The following MEGF6 variants were observed in gnomAD, a reference collection of about 807,000 sequenced individuals.
MEGF6 encodes multiple epidermal growth factor-like domains protein 6.
MEGF6 carries 184 observed loss-of-function variants against 207.1 expected under a neutral mutation model. The observed-to-expected ratio is 0.89, with a 90% CI of 0.79 to 1.00. The LOEUF (loss-of-function observed/expected upper bound fraction) is 1.00, where lower values mean the gene tolerates loss of function less well. MEGF6 is among the 50% of genes least tolerant of loss of function. The pLI, the probability that MEGF6 is intolerant of heterozygous loss-of-function variation, is 0.00. For missense variants in MEGF6, 2,282 were observed against 2,202.9 expected, an observed-to-expected ratio of 1.04 and a Z score of -0.72; for synonymous variants, 1,038 against 910.0, an observed-to-expected ratio of 1.14 and a Z score of -2.53.
At chr1:3,506,612 T>C (rs1442932627) in intron 14 of MEGF6, among the ~76,000 whole-genome samples, 1 of 152,162 alleles carries the variant, frequency 6.6e-6, no homozygotes, top group East Asian at 1.9e-4. Context: ...GTGGCCCCAG[T>C]AGACAAGGTC....
chr1:3,560,691 G>GA lies in MEGF6; in HGVS notation c.481+19133_481+19134insT. 3 of 455,006 alleles carry GA rather than the reference G, an allele frequency of 6.6e-6. No individual in the cohort carries two copies. The Middle Eastern group carries it at 9.9e-4, about 150-fold the overall frequency. 28.2% of individuals were successfully genotyped at this position (455,006 alleles called of 1,614,324 possible). A position where few individuals can be genotyped will look rare whatever the true frequency, so the allele number is the denominator to read the frequency against. ...GGGTGCCATCAACCCCTCCCCATCT[G>GA]TGGTTTCCAGGGCAACCCTGGAAAC... is the stretch of plus-strand genomic sequence containing the variant. On this transcript the variant is annotated intron_variant, in intron 4 of 36. Transcript: ENST00000356575. The surrounding 1 kb of genome is among the most constrained non-coding windows in gnomAD (Gnocchi z 4.0).
At chr1:3,533,212 CCAGCCT>C (rs1476827347) in intron 4 of MEGF6, among the ~76,000 whole-genome samples, 1 of 152,180 alleles carries the variant, frequency 6.6e-6, no homozygotes, top group African/African-American at 2.4e-5. Context: ...CCACCCAGTC[CCAGCCT>C]GTCTCACCTT....
At chr1:3,577,982 C>T (rs1177649557) in intron 4 of MEGF6, among the ~76,000 whole-genome samples, 3 of 152,338 alleles carry the variant, frequency 2.0e-5, no homozygotes, top group Non-Finnish European at 4.4e-5. Flanking sequence ...GGGGTCCACG[C>T]GTCAGGGTCT....
intron 4 of MEGF6, among the ~76,000 whole-genome samples, chr1:3,532,293 G>C (rs1445082459): frequency 6.6e-6 from 1 of 152,354 alleles, no homozygotes; most frequent in African/African-American, 2.4e-5. Flanking sequence ...ATTCCGGCTT[G>C]GATCAGAGTC....
intron 4 of MEGF6, among the ~76,000 whole-genome samples, chr1:3,557,640 C>T (rs567036300): frequency 6.6e-6 from 1 of 152,348 alleles, no homozygotes; most frequent in African/African-American, 2.4e-5. Context: ...ACAGGGCCCG[C>T]TCATCCCTCG....
chr1:3,606,812 C>G (rs762808356), intron 1 of MEGF6, among the ~76,000 whole-genome samples: 14 of 152,310 alleles, frequency 9.2e-5, no homozygotes, highest in Non-Finnish European at 1.8e-4. Context: ...CCAATGATCC[C>G]TGAGCTTCTG....
chr1:3,592,451 G>A (rs113347829), intron 3 of MEGF6, among the ~76,000 whole-genome samples: 4 of 152,086 alleles, frequency 2.6e-5, no homozygotes, highest in African/African-American at 9.6e-5. Flanking sequence ...ACTCCTGCAG[G>A]CCTCGTCACA....
chr1:3,541,271 G>A (rs971301944), intron 4 of MEGF6, among the ~76,000 whole-genome samples: 19 of 152,324 alleles, frequency 1.2e-4, no homozygotes, highest in Admixed American at 2.6e-4. Context: ...AGTGTGGGTC[G>A]CACAGGGCTT....
In MEGF6 at chr1:3,611,279, G is replaced by A. The variant is rs1176228678; in HGVS notation, c.-11C>T. On this transcript the variant is annotated 5_prime_UTR_variant, in exon 1 of 37. Coordinates refer to ENST00000356575, the MANE Select transcript of MEGF6 (RefSeq NM_001409.4). ...TTCAAGGAACGACATCGTGCGCGCC[G>A]GTGCCTCCTCCGCTCTCCGGCTCAC... 1.4e-6 allele frequency: 2 copies of A among 1,456,972 alleles called. No homozygotes were observed. Among genetic ancestry groups the A allele is most frequent in the South Asian group, 1.4e-5 (1 of 71,224 alleles). The allele number at this position is 1,456,972 out of a possible 1,614,324, so 90.3% of individuals were successfully genotyped here. A position where few individuals can be genotyped will look rare whatever the true frequency, so the allele number is the denominator to read the frequency against.
intron 1 of MEGF6, among the ~76,000 whole-genome samples, chr1:3,604,262 G>A (rs1281937402): frequency 2.0e-5 from 3 of 152,194 alleles, no homozygotes; most frequent in Non-Finnish European, 4.4e-5. Context: ...CCCATCCCAG[G>A]GCTGAGGCTT....
Position 3,493,753 on chromosome 1 carries a change from G to A in MEGF6, c.4387+18C>T, listed in dbSNP as rs1557711083. On this transcript the variant is annotated intron_variant, in intron 34 of 36. Coordinates refer to ENST00000356575, the MANE Select transcript of MEGF6 (RefSeq NM_001409.4). ...AGACCCACACCCACGCCCTTCCTGGGCAGGACCCCAGACTCACCCAGGTTA... is the reference window on the plus strand; with the variant it reads ...AGACCCACACCCACGCCCTTCCTGGACAGGACCCCAGACTCACCCAGGTTA... 1 of 1,608,362 alleles carries A rather than the reference G, an allele frequency of 6.2e-7. No individual in the cohort carries two copies. The highest frequency in any genetic ancestry group is 2.2e-5 in the East Asian group (1 of 44,734).
At chr1:3,586,253 G>T (rs1013332197) in intron 3 of MEGF6, among the ~76,000 whole-genome samples, 2 of 152,236 alleles carry the variant, frequency 1.3e-5, no homozygotes, top group African/African-American at 4.8e-5. Flanking sequence ...GACATGTCCT[G>T]TGCATATGAT....
At position 3,531,444 on chromosome 1, in the gene MEGF6, T is replaced by G. The variant is rs915153252; in HGVS notation, c.482-7198A>C. The G allele has an allele frequency of 4.5e-6, 5 of 1,104,532 alleles. No individual in the cohort carries two copies. In the African/African-American group the frequency reaches 6.7e-5, roughly 15 times the overall value. The allele number at this position is 1,104,532 out of a possible 1,614,324, so 68.4% of individuals were successfully genotyped here. ...GCGCGCCCCGCCCCTCGCCTTTAAG[T>G]TCTCAGCTTTCCCTCCGCCCCGCAG... On this transcript the variant is annotated intron_variant, in intron 4 of 36. Transcript: ENST00000356575.
At chr1:3,582,953 C>T (rs573858514) in intron 3 of MEGF6, among the ~76,000 whole-genome samples, 43 of 152,312 alleles carry the variant, frequency 2.8e-4, no homozygotes, top group African/African-American at 9.9e-4. Flanking sequence ...CCATCTTGAT[C>T]GCTGTCACGC....
intron 4 of MEGF6, chr1:3,531,475 G>A: frequency 8.4e-6 from 9 of 1,076,722 alleles, no homozygotes; most frequent in Non-Finnish European, 1.0e-5. Flanking sequence ...CGCAGGTAAA[G>A]GCCAAGTCCG....
intron 5 of MEGF6, among the ~76,000 whole-genome samples, chr1:3,520,694 G>A (rs922442826): frequency 6.6e-6 from 1 of 152,192 alleles, no homozygotes; most frequent in Non-Finnish European, 1.5e-5. Context: ...CAGTGTGGGA[G>A]CCACTGGCAA....
At position 3,512,130 on chromosome 1, in the gene MEGF6, T is replaced by C. The variant is rs1190411151; in HGVS notation, c.854-2A>G. On this transcript the variant is annotated splice_acceptor_variant, in intron 7 of 36. Coordinates refer to ENST00000356575, the MANE Select transcript of MEGF6 (RefSeq NM_001409.4). LOFTEE classifies it high-confidence loss of function. ...GCCCTGCGGCACATTCGTCCACATC[T>C]GGAGGGGAGAGACCACAGGGAGGGC... 6.2e-7 allele frequency: 1 copy of C among 1,601,316 alleles called. No individual in the cohort carries two copies. The highest frequency in any genetic ancestry group is 8.5e-7 in the Non-Finnish European group (1 of 1,171,578).
chr1:3,498,574 G>C (rs1640713993), intron 25 of MEGF6, 75 bp from the exon 26 acceptor site: 1 of 1,490,754 alleles, frequency 6.7e-7, no homozygotes, highest in African/African-American at 1.4e-5. Flanking sequence ...CATGCTTCCT[G>C]CACGCAGAGC....
intron 5 of MEGF6, among the ~76,000 whole-genome samples, chr1:3,515,794 G>A (rs932490013): frequency 1.2e-4 from 18 of 152,200 alleles, no homozygotes; most frequent in African/African-American, 4.1e-4. Context: ...CGGCCTGATC[G>A]AGGGCTGGAC....
Sources: gnomAD v4.1 joint callset for allele counts (sites outside exome capture counted in the v4.1 genomes callset) on GRCh38, gnomAD v4.1.1 for gene constraint, Gnocchi (gnomAD v3.1) non-coding constraint, MANE v1.5 for transcripts, NCBI Gene and HGNC (gene_info 2026-07-23, HGNC 2026-07-21) for gene names.